KANTR: variants seen among roughly 807,000 people sequenced by gnomAD.
The protein encoded by KANTR is KANTR integral membrane protein, also known as KDM5C adjacent transcript.
intron 1 of KANTR, among the ~76,000 whole-genome samples, chrX:53,097,542 A>C (rs1556811128): frequency 9.7e-6 from 1 of 103,077 alleles, no homozygotes; most frequent in South Asian, 4.6e-4. Flanking sequence ...TAGCAGAGAC[A>C]GGGTTTCACC....
At chrX:53,146,843 C>G (rs1285840973), downstream of KANTR, among the ~76,000 whole-genome samples, 1 of 111,583 alleles carries the variant, frequency 9.0e-6, no homozygotes, top group Non-Finnish European at 1.9e-5. Flanking sequence ...ATTTTCAACC[C>G]AGAATTTCAT....
chrX:53,127,821 G>A (rs1216377239), downstream of KANTR, among the ~76,000 whole-genome samples: 3 of 111,230 alleles, frequency 2.7e-5, no homozygotes, highest in Non-Finnish European at 5.7e-5. Flanking sequence ...CTTGCACGGT[G>A]AGGAACTGTT....
chrX:53,125,629 C>T lies in KANTR; in HGVS notation c.*1126C>T, dbSNP rs781996978. 5 of 111,174 alleles carry T rather than the reference C, an allele frequency of 4.5e-5. No homozygotes were observed. In the East Asian group the frequency reaches 1.4e-3, roughly 31 times the overall value. 9.2% of individuals were successfully genotyped at this position (111,174 alleles called of 1,213,427 possible). A position where few individuals can be genotyped will look rare whatever the true frequency, so the allele number is the denominator to read the frequency against. On this transcript the variant is annotated 3_prime_UTR_variant, in exon 3 of 3. Transcript: ENST00000604062. ...AGTCTAAAGTTAAACAATATTTTAG[C>T]CCCCTTCTTAAAGAATGCAGGAAGC...
intron 2 of KANTR, among the ~76,000 whole-genome samples, chrX:53,113,725 G>A (rs781961737): frequency 5.7e-5 from 6 of 105,888 alleles, no homozygotes; most frequent in Non-Finnish European, 1.2e-4. Flanking sequence ...GATTACAGGC[G>A]CATGCCACCA....
chrX:53,108,718 T>TTC (rs139222628), intron 2 of KANTR, among the ~76,000 whole-genome samples: 1 of 110,723 alleles, frequency 9.0e-6, no homozygotes, highest in African/African-American at 3.3e-5. Context: ...TTTTTTTTTT[T>TTC]GAGGCAGGGT....
chrX:53,099,007 G>C (rs1333709598), intron 1 of KANTR, among the ~76,000 whole-genome samples: 1 of 110,340 alleles, frequency 9.1e-6, no homozygotes, highest in Non-Finnish European at 1.9e-5. Flanking sequence ...CCACAGGCAT[G>C]TGCCACCATG....
At chrX:53,107,611 A>G (rs1228556715) in intron 2 of KANTR, among the ~76,000 whole-genome samples, 1 of 109,957 alleles carries the variant, frequency 9.1e-6, no homozygotes, top group Non-Finnish European at 1.9e-5. Flanking sequence ...TATAGTTTTC[A>G]GTATACAAGT....
intron 2 of KANTR, among the ~76,000 whole-genome samples, chrX:53,138,325 C>G (rs1933453446): frequency 1.8e-5 from 2 of 108,356 alleles, no homozygotes; most frequent in Non-Finnish European, 3.8e-5. Flanking sequence ...GCCTCAGCCT[C>G]CCAACAGGCG....
At chrX:53,134,481 A>G (rs1316169334) in intron 2 of KANTR, among the ~76,000 whole-genome samples, 1 of 111,997 alleles carries the variant, frequency 8.9e-6, no homozygotes, top group African/African-American at 3.2e-5. Context: ...CTCAAACTCT[A>G]TAATGTTCTA....
At chrX:53,102,047 TATAAG>T (rs1439614566) in intron 2 of KANTR, among the ~76,000 whole-genome samples, 2 of 104,982 alleles carry the variant, frequency 1.9e-5, no homozygotes, top group Non-Finnish European at 3.9e-5. Flanking sequence ...CCATAACAGA[TATAAG>T]AAAAGTTTTG....
At chrX:53,101,703 G>C (rs1350570800) in intron 2 of KANTR, among the ~76,000 whole-genome samples, 2 of 110,935 alleles carry the variant, frequency 1.8e-5, no homozygotes, top group Non-Finnish European at 3.8e-5. Context: ...TTACACCAAA[G>C]ATCACTGATC....
intron 2 of KANTR, among the ~76,000 whole-genome samples, chrX:53,101,957 G>A (rs782466594): frequency 4.7e-5 from 5 of 105,797 alleles, no homozygotes; most frequent in African/African-American, 1.4e-4. Flanking sequence ...CTGAGATCAC[G>A]CCACTGCACT....
At position 53,106,731 on chromosome X, in the gene KANTR, T is replaced by C. The variant is rs781851734; in HGVS notation, c.-805+7123T>C. ...TTAATATTTGTGTATAGCGTGAGAG[T>C]AGGGGTACAGGTTTATTCTTCTGAC... On this transcript the variant is annotated intron_variant, in intron 2 of 2. Transcript: ENST00000604062. Among the ~76,000 whole-genome samples, 3 of 110,012 alleles carry C rather than the reference T, an allele frequency of 2.7e-5. 1 individual carries two copies. In the South Asian group the frequency reaches 1.1e-3, roughly 41 times the overall value.
chrX:53,096,882 A>G, intron 1 of KANTR, among the ~76,000 whole-genome samples: 1 of 108,707 alleles, frequency 9.2e-6, no homozygotes, highest in East Asian at 2.9e-4. Flanking sequence ...TAATCCCAGC[A>G]CTTTGGGAGG....
At chrX:53,105,744 C>A (rs1233874742) in intron 2 of KANTR, among the ~76,000 whole-genome samples, 1 of 107,931 alleles carries the variant, frequency 9.3e-6, no homozygotes, top group Non-Finnish European at 1.9e-5. Context: ...AGGCAGTCCA[C>A]CTGCCTCGGC....
intron 2 of KANTR, among the ~76,000 whole-genome samples, chrX:53,134,707 G>A (rs1296755003): frequency 9.0e-6 from 1 of 111,644 alleles, no homozygotes; most frequent in Admixed American, 9.6e-5. Flanking sequence ...TGAGGGGGTG[G>A]GTGTTGGAAA....
At chrX:53,116,396 T>C (rs1406631656) in intron 2 of KANTR, among the ~76,000 whole-genome samples, 1 of 112,211 alleles carries the variant, frequency 8.9e-6, no homozygotes, top group Non-Finnish European at 1.9e-5. Flanking sequence ...CTATCCCAGC[T>C]CTTTCCTTGG....
chrX:53,141,945 T>C (rs2146759533), exon 3 of KANTR: 2 of 465,072 alleles, frequency 4.3e-6, no homozygotes, highest in African/African-American at 5.3e-5. Context: ...TCCTATGGCT[T>C]GGACTTTCCA....
chrX:53,137,602 TA>T (rs1183188339), intron 2 of KANTR, among the ~76,000 whole-genome samples: 8 of 104,490 alleles, frequency 7.7e-5, no homozygotes, highest in South Asian at 4.2e-4. Flanking sequence ...CCGTCTCTAC[TA>T]AAAAAAAAAT....
Sources: gnomAD v4.1 joint callset for allele counts (sites outside exome capture counted in the v4.1 genomes callset) on GRCh38, gnomAD v4.1.1 for gene constraint, MANE v1.5 for transcripts, NCBI Gene and HGNC (gene_info 2026-07-23, HGNC 2026-07-21) for gene names.